The following TMEM132C variants were observed in gnomAD, a reference collection of about 807,000 sequenced individuals.
The protein encoded by TMEM132C is transmembrane protein 132C.
Under a neutral mutation model 61.4 loss-of-function variants are expected in TMEM132C, and 29 were observed. The ratio of observed to expected loss-of-function variants is 0.47; its 90% CI spans 0.35 to 0.64. The LOEUF (loss-of-function observed/expected upper bound fraction) is 0.64. Ranked by LOEUF, TMEM132C falls within the 30% of genes least tolerant of loss-of-function variation. The pLI, the probability that TMEM132C is intolerant of heterozygous loss-of-function variation, is 0.00. For missense variants in TMEM132C, 1,408 were observed against 1,476.9 expected, an observed-to-expected ratio of 0.95 and a Z score of 0.76; for synonymous variants, 656 against 633.1, an observed-to-expected ratio of 1.04 and a Z score of -0.54.
intron 1 of TMEM132C, among the ~76,000 whole-genome samples, chr12:128,331,553 T>TA (rs1450446996): frequency 1.3e-5 from 2 of 152,222 alleles, no homozygotes; most frequent in Admixed American, 6.5e-5. Flanking sequence ...TCACTTAGGA[T>TA]AATGTCCTCC....
chr12:128,696,904 T>C (rs1593152350), intron 7 of TMEM132C, among the ~76,000 whole-genome samples: 2 of 152,232 alleles, frequency 1.3e-5, no homozygotes, highest in East Asian at 3.8e-4. Context: ...AGGATCACCA[T>C]GTACAGTTAA....
At chr12:128,448,983 A>G (rs1290711252) in intron 2 of TMEM132C, among the ~76,000 whole-genome samples, 1 of 151,734 alleles carries the variant, frequency 6.6e-6, no homozygotes, top group African/African-American at 2.4e-5. Flanking sequence ...TAAAAATACA[A>G]AAAATTAGCC....
chr12:128,408,790 G>T (rs763715476), intron 1 of TMEM132C, among the ~76,000 whole-genome samples: 4 of 152,212 alleles, frequency 2.6e-5, no homozygotes, highest in Admixed American at 6.5e-5. Flanking sequence ...GAACAGGAGA[G>T]AATGTTATTT....
At chr12:128,423,785 G>T (rs771729982) in intron 2 of TMEM132C, among the ~76,000 whole-genome samples, 2 of 151,870 alleles carry the variant, frequency 1.3e-5, no homozygotes, top group Non-Finnish European at 2.9e-5. Context: ...TGTAATCCCA[G>T]AACTTTGGGA....
At chr12:128,475,198 G>A (rs1252965705) in intron 2 of TMEM132C, among the ~76,000 whole-genome samples, 2 of 152,030 alleles carry the variant, frequency 1.3e-5, no homozygotes, top group Admixed American at 6.6e-5. Flanking sequence ...GTAAGACCCC[G>A]CCCCCAACTC....
chr12:128,550,069 G>T (rs1390050258), intron 3 of TMEM132C, among the ~76,000 whole-genome samples: 2 of 152,202 alleles, frequency 1.3e-5, no homozygotes, highest in Non-Finnish European at 2.9e-5. Context: ...TCCCTCGGTA[G>T]GTGTGTTAGC....
rs60639757 is a variant in TMEM132C, at chr12:128,571,013, C to T, written c.1121+26910C>T. ...GGATGGATGTCAGGGAAGCAACCAA[C>T]AGTGGCTGGCCCAGGAGACAGGAGG... is the stretch of plus-strand genomic sequence containing the variant. On this transcript the variant is annotated intron_variant, in intron 3 of 8. Transcript: ENST00000435159. Among the ~76,000 whole-genome samples, 539 of 152,328 alleles carry T rather than the reference C, an allele frequency of 3.5e-3. 7 individuals carry two copies. The highest frequency in any genetic ancestry group is 0.013 in the African/African-American group (525 of 41,578).
chr12:128,699,489 T>C lies in TMEM132C; in HGVS notation c.2121+2074T>C, dbSNP rs1433832436. Among the ~76,000 whole-genome samples, 4 of 152,200 alleles carry C rather than the reference T, an allele frequency of 2.6e-5. No homozygotes were observed. The East Asian group carries it at 5.8e-4, about 22-fold the overall frequency. ...CAGGTTACTGGCTGGAATCCTCTCT[T>C]AGTTCCACAAGTCCACCTGCATTCC... On this transcript the variant is annotated intron_variant, in intron 8 of 8. Coordinates refer to ENST00000435159, the MANE Select transcript of TMEM132C (RefSeq NM_001136103.3).
intron 1 of TMEM132C, among the ~76,000 whole-genome samples, chr12:128,398,033 G>A (rs560598061): frequency 3.9e-5 from 6 of 152,256 alleles, no homozygotes; most frequent in South Asian, 2.1e-4. Flanking sequence ...CGTTAAGACC[G>A]AGATGGATGT....
chr12:128,665,831 T>TCA (rs199957195), intron 4 of TMEM132C, among the ~76,000 whole-genome samples: 1 of 23,860 alleles, frequency 4.2e-5, no homozygotes, highest in African/African-American at 2.7e-4. Context: ...TCACAGGCAC[T>TCA]CACACAAACA....
At chr12:128,462,431 G>A (rs1870566541) in intron 2 of TMEM132C, among the ~76,000 whole-genome samples, 1 of 152,194 alleles carries the variant, frequency 6.6e-6, no homozygotes, top group Non-Finnish European at 1.5e-5. Flanking sequence ...GATGTAGTCA[G>A]ACTTTTTATT....
intron 1 of TMEM132C, among the ~76,000 whole-genome samples, chr12:128,411,969 T>C (rs955094495): frequency 6.6e-6 from 1 of 152,198 alleles, no homozygotes; most frequent in African/African-American, 2.4e-5. Context: ...ATAAGAAATA[T>C]ACAGAAAGTA....
chr12:128,526,372 T>C (rs1052830716), intron 2 of TMEM132C, among the ~76,000 whole-genome samples: 4 of 152,206 alleles, frequency 2.6e-5, no homozygotes, highest in African/African-American at 9.7e-5. Flanking sequence ...CTTCTCTGTG[T>C]CTTCACGAGG....
At chr12:128,698,368 A>G (rs576678632) in intron 8 of TMEM132C, among the ~76,000 whole-genome samples, 2 of 152,344 alleles carry the variant, frequency 1.3e-5, no homozygotes, top group South Asian at 4.1e-4. Context: ...CCTTGTCTGC[A>G]GGACTTTCTG....
chr12:128,401,292 C>A (rs1404742735), intron 1 of TMEM132C, among the ~76,000 whole-genome samples: 1 of 152,188 alleles, frequency 6.6e-6, no homozygotes, highest in Non-Finnish European at 1.5e-5. Flanking sequence ...TCAACCCTCA[C>A]CTTTATGAGC....
At chr12:128,447,705 C>CTGTTTTT (rs1870030401) in intron 2 of TMEM132C, among the ~76,000 whole-genome samples, 1 of 58,620 alleles carries the variant, frequency 1.7e-5, no homozygotes, top group African/African-American at 8.4e-5. Context: ...ATTTCAAGTG[C>CTGTTTTT]TTTTTTTTTT....
At chr12:128,547,977 C>T (rs1043057706) in intron 3 of TMEM132C, among the ~76,000 whole-genome samples, 2 of 152,016 alleles carry the variant, frequency 1.3e-5, no homozygotes, top group African/African-American at 4.8e-5. Context: ...ACCGCTCACC[C>T]CTGTTGATCC....
At position 128,311,867 on chromosome 12, in the gene TMEM132C, G is replaced by A. The variant is rs77826415; in HGVS notation, c.85+44380G>A. On this transcript the variant is annotated intron_variant, in intron 1 of 8. Transcript: ENST00000435159. ...ACCACCTCTACGCAGTGTTTTTCCA[G>A]GCCGCCGTTGACGGTGCAGGGGTGA... Among the ~76,000 whole-genome samples the A allele has an allele frequency of 3.7e-4, 56 of 152,344 alleles. 1 individual carries two copies. In the East Asian group the frequency reaches 0.01, roughly 28 times the overall value.
intron 1 of TMEM132C, among the ~76,000 whole-genome samples, chr12:128,375,963 C>T (rs1683691): frequency 0.17 from 26,154 of 152,074 alleles, 2,668 homozygotes; most frequent in East Asian, 0.4. Context: ...CCAGCTCATG[C>T]GGGATGTCGG....
Sources: allele counts gnomAD v4.1 joint callset (sites outside exome capture counted in the v4.1 genomes callset), GRCh38; gene constraint gnomAD v4.1.1; transcripts MANE v1.5; gene names NCBI Gene and HGNC (gene_info 2026-07-23, HGNC 2026-07-21).